Variants in ZPBP observed in about 807,000 individuals in gnomAD.
ZPBP encodes zona pellucida-binding protein 1.
A neutral mutation model predicts 44.8 loss-of-function variants in ZPBP; 26 were observed. The observed-to-expected ratio is 0.58, with a 90% CI of 0.43 to 0.81. The LOEUF (loss-of-function observed/expected upper bound fraction) is 0.81, where lower values mean the gene tolerates loss of function less well. ZPBP is among the 30% of genes least tolerant of loss of function. The probability of loss-of-function intolerance (pLI) is 0.00; values close to 1 mark genes in which losing one functional copy is unlikely to be tolerated. For synonymous variants in ZPBP, 174 were observed against 153.2 expected, an observed-to-expected ratio of 1.14 and a Z score of -1.00; for missense variants, 409 against 434.0, an observed-to-expected ratio of 0.94 and a Z score of 0.51.
At chr7:49,971,456 G>T (rs931462014) in intron 7 of ZPBP, among the ~76,000 whole-genome samples, 18 of 151,940 alleles carry the variant, frequency 1.2e-4, no homozygotes, top group Admixed American at 1.0e-3. Flanking sequence ...CAAACAGAAA[G>T]AAAGATAACA....
At chr7:49,860,572 A>T (rs993196501) in intron 2 of ZPBP, among the ~76,000 whole-genome samples, 3 of 152,248 alleles carry the variant, frequency 2.0e-5, no homozygotes, top group South Asian at 4.1e-4. Flanking sequence ...ATTGGCATAC[A>T]AGTATCTGTT....
intron 2 of ZPBP, among the ~76,000 whole-genome samples, chr7:49,878,851 G>C (rs1312538816): frequency 3.9e-5 from 6 of 152,134 alleles, no homozygotes; most frequent in Non-Finnish European, 2.9e-5. Flanking sequence ...TTATGTACCA[G>C]GCGTGGCTTT....
intron 6 of ZPBP, among the ~76,000 whole-genome samples, chr7:49,998,529 C>T (rs983538988): frequency 6.6e-6 from 1 of 152,176 alleles, no homozygotes; most frequent in Non-Finnish European, 1.5e-5. Flanking sequence ...AGTCACCAGG[C>T]TCCTTGCTTC....
intron 5 of ZPBP, among the ~76,000 whole-genome samples, chr7:50,025,785 T>A (rs897315262): frequency 6.6e-6 from 1 of 151,708 alleles, no homozygotes; most frequent in Non-Finnish European, 1.5e-5. Flanking sequence ...GTAAAAATTG[T>A]AAAAACTGCT....
chr7:50,064,046 T>C (rs1198396473), intron 3 of ZPBP, among the ~76,000 whole-genome samples: 1 of 152,214 alleles, frequency 6.6e-6, no homozygotes, highest in Non-Finnish European at 1.5e-5. Flanking sequence ...GCCCCGATAA[T>C]TACGTATGTT....
intron 1 of ZPBP, among the ~76,000 whole-genome samples, chr7:49,903,590 G>C (rs1045670944): frequency 6.6e-6 from 1 of 152,168 alleles, no homozygotes; most frequent in African/African-American, 2.4e-5. Flanking sequence ...AAAGATGGTG[G>C]GGCCAGAGAA....
intron 4 of ZPBP, among the ~76,000 whole-genome samples, chr7:50,044,827 C>T (rs982455645): frequency 6.6e-6 from 1 of 152,120 alleles, no homozygotes; most frequent in Admixed American, 6.6e-5. Context: ...GGCTGGCATA[C>T]TCCTGATATC....
intron 1 of ZPBP, chr7:49,919,930 A>T (rs1303737847): frequency 1.3e-5 from 2 of 152,238 alleles, no homozygotes; most frequent in Non-Finnish European, 1.5e-5. Flanking sequence ...ATTATGGCCA[A>T]CTGATACCTT....
chr7:50,045,281 T>C (rs1171946859), intron 4 of ZPBP, among the ~76,000 whole-genome samples: 1 of 152,152 alleles, frequency 6.6e-6, no homozygotes, highest in Non-Finnish European at 1.5e-5. Flanking sequence ...TTCAATATAG[T>C]ATTGGAAGTT....
intron 2 of ZPBP, among the ~76,000 whole-genome samples, chr7:49,853,969 GT>G (rs1184809966): frequency 6.6e-6 from 1 of 150,816 alleles, no homozygotes; most frequent in East Asian, 2.0e-4. Flanking sequence ...GCGGTGTTTG[GT>G]TTTCTGTCCC....
intron 1 of ZPBP, among the ~76,000 whole-genome samples, chr7:49,901,704 G>A (rs1792737562): frequency 6.6e-6 from 1 of 151,838 alleles, no homozygotes; most frequent in African/African-American, 2.4e-5. Context: ...TGTTTTATCT[G>A]GAGGGGCAAA....
intron 4 of ZPBP, among the ~76,000 whole-genome samples, chr7:50,041,104 C>G (rs571745442): frequency 1.4e-4 from 21 of 152,318 alleles, no homozygotes; most frequent in African/African-American, 5.0e-4. Context: ...GAGTGCCTAT[C>G]TAGATTCCTC....
Position 49,917,518 on chromosome 7 carries a change from T to G in ZPBP, n.412-16303A>C, listed in dbSNP as rs186525602. On this transcript the variant is annotated intron_variant and non_coding_transcript_variant, in intron 1 of 2. Coordinates refer to the ZPBP transcript ENST00000465922. ...AGTTCAGAAAAGTACATAAAACCTC[T>G]GGCTGACCTATTATATAGGCACAGA... The G allele has an allele frequency of 5.3e-4, 81 of 152,300 alleles. 1 individual carries two copies. Among genetic ancestry groups the G allele is most frequent in the Non-Finnish European group, 1.0e-3 (69 of 67,992 alleles). The allele number at this position is 152,300 out of a possible 1,614,324, so 9.4% of individuals were successfully genotyped here. A position where few individuals can be genotyped will look rare whatever the true frequency, so the allele number is the denominator to read the frequency against.
chr7:49,981,469 A>G (rs1329422084), intron 7 of ZPBP, among the ~76,000 whole-genome samples: 1 of 74,364 alleles, frequency 1.3e-5, no homozygotes, highest in Non-Finnish European at 2.3e-5. Flanking sequence ...TAATATATAT[A>G]ATTATATATA....
intron 2 of ZPBP, among the ~76,000 whole-genome samples, chr7:49,884,787 C>G (rs758439014): frequency 5.6e-4 from 85 of 151,742 alleles, no homozygotes; most frequent in Admixed American, 4.6e-4. Context: ...ATAAATAAAC[C>G]TAGGATTCCA....
intron 1 of ZPBP, among the ~76,000 whole-genome samples, chr7:50,090,602 T>A (rs1802926589): frequency 1.1e-5 from 1 of 92,674 alleles, no homozygotes; most frequent in Admixed American, 1.3e-4. Context: ...TGCGTATATA[T>A]GCGTATATAT....
At chr7:50,000,934 C>T (rs1798069098) in intron 6 of ZPBP, among the ~76,000 whole-genome samples, 1 of 151,962 alleles carries the variant, frequency 6.6e-6, no homozygotes, top group Non-Finnish European at 1.5e-5. Flanking sequence ...AAAATGAGGC[C>T]ATTAAAGTAG....
At chr7:49,910,977 C>G (rs537551674) in intron 1 of ZPBP, among the ~76,000 whole-genome samples, 1 of 152,276 alleles carries the variant, frequency 6.6e-6, no homozygotes, top group Admixed American at 6.5e-5. Flanking sequence ...AAGCTGCCCT[C>G]GGAGGCCTGG....
chr7:49,868,062 G>A (rs1583711707), intron 2 of ZPBP, among the ~76,000 whole-genome samples: 1 of 151,968 alleles, frequency 6.6e-6, no homozygotes, highest in Admixed American at 6.5e-5. Flanking sequence ...TCAAACTCCC[G>A]ACCTCAAATG....
Sources: allele counts gnomAD v4.1 joint callset (sites outside exome capture counted in the v4.1 genomes callset), GRCh38; gene constraint gnomAD v4.1.1; transcripts MANE v1.5; gene names NCBI Gene and HGNC (gene_info 2026-07-23, HGNC 2026-07-21).